MLXIPL: variants seen among roughly 807,000 people sequenced by gnomAD.
MLXIPL encodes MLX interacting protein like.
Under a neutral mutation model 81.5 loss-of-function variants are expected in MLXIPL, and 49 were observed. The observed-to-expected ratio is 0.60, with a 90% CI of 0.48 to 0.76. The LOEUF is 0.76. Among genes scored for constraint, MLXIPL ranks in the 30% least tolerant of loss-of-function variants. The pLI is 0.00. For missense variants in MLXIPL, 1,053 were observed against 1,167.0 expected (o/e 0.90, Z 1.42); for synonymous variants, 466 against 485.5 (o/e 0.96, Z 0.53).
chr7:73,636,164 C>T, the MLXIPL span, among the ~76,000 whole-genome samples: 1 of 152,208 alleles, frequency 6.6e-6, no homozygotes, highest in Non-Finnish European at 1.5e-5. Context: ...AATCCCAACA[C>T]TTTGGGAGGC....
intron 2 of MLXIPL, among the ~76,000 whole-genome samples, chr7:73,615,565 G>A (rs1328735755): frequency 6.6e-6 from 1 of 152,096 alleles, no homozygotes; most frequent in African/African-American, 2.4e-5. Flanking sequence ...CCCGAGACCC[G>A]CTGGAGGTCA....
chr7:73,643,374 C>T, the MLXIPL span, among the ~76,000 whole-genome samples: 2 of 152,184 alleles, frequency 1.3e-5, no homozygotes, highest in East Asian at 3.9e-4. Flanking sequence ...ATTGGCCGGG[C>T]ATGGTGGCGG....
intron 15 of MLXIPL, among the ~76,000 whole-genome samples, chr7:73,595,162 G>A (rs1440205535): frequency 1.3e-5 from 2 of 151,984 alleles, no homozygotes; most frequent in South Asian, 2.1e-4. Context: ...CCCTACTTCT[G>A]TCCTGCCAAG....
chr7:73,625,093 A>T (rs1796659362), upstream of MLXIPL, among the ~76,000 whole-genome samples: 2 of 152,158 alleles, frequency 1.3e-5, no homozygotes, highest in African/African-American at 4.8e-5. Flanking sequence ...CTGAAGTGGG[A>T]GAATCGCTTG....
Position 73,599,554 on chromosome 7 carries a change from G to T in MLXIPL, c.1043C>A (p.Thr348Asn). Residue 348 changes from threonine to asparagine, a missense_variant, in exon 8 of 17, where the codon ACC (threonine) becomes AAC (asparagine). Thr to Asn is a moderately conservative substitution (Grantham distance 65). Around this residue, in one of 3 missense-constraint regions of MLXIPL, gnomAD observed 823 missense variants for 933.0 expected, o/e 0.88. Coordinates refer to ENST00000313375, the MANE Select transcript of MLXIPL (RefSeq NM_032951.3). ...PEVPPASSAM[T>N]HLSGHSRLQA... The stretch of plus-strand genomic sequence containing the variant: ...CAGACGGCTGTGTCCAGAGAGGTGG[G>T]TCATGGCCGAGGAAGCCGGGGGCAC... The T allele has an allele frequency of 6.2e-7, 1 of 1,613,164 alleles. No individual in the cohort carries two copies. The highest frequency in any genetic ancestry group is 8.5e-7 in the Non-Finnish European group (1 of 1,179,768).
At chr7:73,613,326 C>T (rs148272912) in intron 2 of MLXIPL, among the ~76,000 whole-genome samples, 92 of 152,228 alleles carry the variant, frequency 6.0e-4, no homozygotes, top group African/African-American at 2.1e-3. Context: ...TGGCCGGGCG[C>T]GGTGGCTCAT....
At chr7:73,632,117 T>C in the MLXIPL span, among the ~76,000 whole-genome samples, 2 of 151,610 alleles carry the variant, frequency 1.3e-5, no homozygotes, top group South Asian at 2.1e-4. Flanking sequence ...CTCAGCCTCC[T>C]AAGTAGCTGG....
the MLXIPL span, among the ~76,000 whole-genome samples, chr7:73,642,936 C>A: frequency 6.6e-6 from 1 of 152,240 alleles, no homozygotes; most frequent in Non-Finnish European, 1.5e-5. Context: ...TAGTGAACAG[C>A]CCCCATCCTG....
chr7:73,624,108 G>T, intron 1 of MLXIPL, 92 bp downstream of exon 1: 1 of 1,443,358 alleles, frequency 6.9e-7, no homozygotes. Context: ...CTCGGGTGGG[G>T]TGTTGAGGGC....
intron 16 of MLXIPL, 47 bp from the exon 17 acceptor site, chr7:73,594,030 G>A (rs1554592781): frequency 2.6e-6 from 4 of 1,550,514 alleles, no homozygotes; most frequent in East Asian, 2.2e-5. Context: ...CTGGGGTCAG[G>A]GCCCTACCCT....
intron 16 of MLXIPL, 38 bp from the exon 17 acceptor site, chr7:73,594,021 TG>T: frequency 6.4e-7 from 1 of 1,568,736 alleles, no homozygotes; most frequent in Non-Finnish European, 8.8e-7. Context: ...AGACACTTCC[TG>T]GGGTCAGGGC....
At chr7:73,634,866 A>T in the MLXIPL span, among the ~76,000 whole-genome samples, 1 of 140,022 alleles carries the variant, frequency 7.1e-6, no homozygotes, top group East Asian at 2.1e-4. Flanking sequence ...GCCAGGCTGG[A>T]GTGCAGGGGC....
upstream of MLXIPL, among the ~76,000 whole-genome samples, chr7:73,627,799 C>T (rs182737939): frequency 2.4e-4 from 36 of 152,078 alleles, no homozygotes; most frequent in African/African-American, 6.3e-4. Context: ...GTGTCAGCTC[C>T]GCCCTCGCCT....
the MLXIPL span, among the ~76,000 whole-genome samples, chr7:73,636,358 C>T: frequency 1.3e-5 from 2 of 149,724 alleles, no homozygotes; most frequent in Admixed American, 6.7e-5. Context: ...TGTGGTGAGC[C>T]GAGATTGAGC....
intron 7 of MLXIPL, among the ~76,000 whole-genome samples, chr7:73,602,090 G>GCCTGCCTT (rs1173464361): frequency 1.4e-5 from 2 of 145,136 alleles, no homozygotes; most frequent in South Asian, 2.2e-4. Flanking sequence ...CTGCCTGCCT[G>GCCTGCCTT]CCTGCCTTCC....
intron 7 of MLXIPL, among the ~76,000 whole-genome samples, chr7:73,602,857 A>G (rs1554596763): frequency 6.6e-6 from 1 of 151,680 alleles, no homozygotes; most frequent in Admixed American, 6.6e-5. Context: ...GCTGCTGCCC[A>G]CTCCCTGGGT....
rs568791128 is a variant in MLXIPL at position 73,623,110 on chromosome 7, G to A, written c.293+1090C>T. ...AGAGCTTGTGGGCCAAGGTTACTCC[G>A]CCTCCAGCCAATGGGGTCGCAGCTG... On this transcript the variant is annotated intron_variant, in intron 1 of 16. Coordinates refer to ENST00000313375, the MANE Select transcript of MLXIPL (RefSeq NM_032951.3). The surrounding 1 kb of genome is among the most constrained non-coding windows in gnomAD (Gnocchi z 5.7). Among the ~76,000 whole-genome samples the A allele has an allele frequency of 1.4e-3, 220 of 152,294 alleles. No individual in the cohort carries two copies. Among genetic ancestry groups the A allele is most frequent in the Admixed American group, 2.1e-3 (32 of 15,290 alleles).
At chr7:73,642,433 C>T in the MLXIPL span, among the ~76,000 whole-genome samples, 1 of 152,102 alleles carries the variant, frequency 6.6e-6, no homozygotes, top group African/African-American at 2.4e-5. Context: ...CTCACTGTAA[C>T]CTTCACCTCC....
intron 2 of MLXIPL, among the ~76,000 whole-genome samples, chr7:73,613,713 A>G (rs1175990814): frequency 1.3e-5 from 2 of 152,244 alleles, no homozygotes; most frequent in Non-Finnish European, 2.9e-5. Context: ...AGGACATGCT[A>G]GGGCTGGACT....
Sources: gnomAD v4.1 joint callset for allele counts (sites outside exome capture counted in the v4.1 genomes callset) on GRCh38, gnomAD v4.1.1 for gene constraint, gnomAD v4.1.1 regional missense constraint, Gnocchi (gnomAD v3.1) non-coding constraint, MANE v1.5 for transcripts, NCBI Gene and HGNC (gene_info 2026-07-23, HGNC 2026-07-21) for gene names.